The following CDH18 variants were observed in gnomAD, a reference collection of about 807,000 sequenced individuals.
The protein encoded by CDH18 is cadherin-18.
Under a neutral mutation model 67.9 loss-of-function variants are expected in CDH18, and 31 were observed. That is an observed-to-expected ratio of 0.46 (90% CI 0.34 to 0.62). The LOEUF (loss-of-function observed/expected upper bound fraction) is 0.62, where lower values mean the gene tolerates loss of function less well. CDH18 is among the 20% of genes least tolerant of loss of function. CDH18 has a pLI of 0.01. For synonymous variants in CDH18, 362 were observed against 347.2 expected (o/e 1.04, Z -0.48); for missense variants, 890 against 975.5 (o/e 0.91, Z 1.17).
At chr5:20,527,265 A>C (rs1008102788) in intron 1 of CDH18, among the ~76,000 whole-genome samples, 6 of 152,076 alleles carry the variant, frequency 3.9e-5, no homozygotes, top group African/African-American at 1.5e-4. Flanking sequence ...GACTATGTAA[A>C]AAGACTGAAT....
chr5:20,403,666 T>A (rs1745978995), intron 1 of CDH18, among the ~76,000 whole-genome samples: 1 of 152,194 alleles, frequency 6.6e-6, no homozygotes. Context: ...GTAAAAAATG[T>A]TTCTGTCATC....
chr5:19,903,040 A>G (rs1258555525), intron 2 of CDH18, among the ~76,000 whole-genome samples: 2 of 151,910 alleles, frequency 1.3e-5, no homozygotes, highest in African/African-American at 2.4e-5. Context: ...TTTAATTTAA[A>G]TAATTATTCT....
At chr5:19,519,871 C>T (rs1437743628) in intron 10 of CDH18, among the ~76,000 whole-genome samples, 1 of 152,092 alleles carries the variant, frequency 6.6e-6, no homozygotes, top group Non-Finnish European at 1.5e-5. Context: ...TGGAAGAGAT[C>T]CCTGAGCCTC....
intron 1 of CDH18, among the ~76,000 whole-genome samples, chr5:20,288,946 AT>A (rs1431853321): frequency 2.0e-5 from 3 of 151,992 alleles, no homozygotes; most frequent in African/African-American, 7.2e-5. Flanking sequence ...TATTTTTGGA[AT>A]TTTAATTAGA....
chr5:20,042,248 C>A lies in CDH18; in HGVS notation c.-517-50234G>T, dbSNP rs374176228. 6.1e-4 allele frequency among the ~76,000 whole-genome samples: 93 copies of A among 152,316 alleles called. No individual in the cohort carries two copies. The South Asian group carries it at 0.017, about 27-fold the overall frequency. ...ATTAAGCATATTTACATATTTACTACACAAATCCTTCATATTTTGTTGAGT... is the reference window on the plus strand; with the variant it reads ...ATTAAGCATATTTACATATTTACTAAACAAATCCTTCATATTTTGTTGAGT... On this transcript the variant is annotated intron_variant, in intron 2 of 14. Transcript: ENST00000507958.
rs368395232 is a variant in CDH18, at chr5:19,844,006, T to C, written c.-256-4764A>G. ...ATTTATCCAATGACTCTATCCCCAT[T>C]GTATCTATGAAAGAACTAACTTGCT... On this transcript the variant is annotated intron_variant, in intron 2 of 12. Coordinates refer to ENST00000382275, the MANE Select transcript of CDH18 (RefSeq NM_004934.5). 4.5e-4 allele frequency among the ~76,000 whole-genome samples: 68 copies of C among 152,298 alleles called. 1 individual carries two copies. The South Asian group carries it at 0.013, about 30-fold the overall frequency.
At chr5:19,512,917 C>T (rs1483766242) in intron 10 of CDH18, among the ~76,000 whole-genome samples, 2 of 151,910 alleles carry the variant, frequency 1.3e-5, no homozygotes, top group African/African-American at 2.4e-5. Context: ...AAAATGTGTA[C>T]AAAAATGATC....
At chr5:19,716,162 T>C (rs1189730012) in intron 5 of CDH18, among the ~76,000 whole-genome samples, 1 of 152,090 alleles carries the variant, frequency 6.6e-6, no homozygotes, top group Non-Finnish European at 1.5e-5. Context: ...TTGAGTCCTA[T>C]ATTTTTCCAA....
intron 5 of CDH18, among the ~76,000 whole-genome samples, chr5:19,628,102 T>C (rs567933051): frequency 6.6e-6 from 1 of 152,126 alleles, no homozygotes; most frequent in Non-Finnish European, 1.5e-5. Flanking sequence ...ACTTGAATCA[T>C]GGTGGTGGTT....
chr5:20,266,311 C>G (rs1009277306), intron 1 of CDH18, among the ~76,000 whole-genome samples: 3 of 152,102 alleles, frequency 2.0e-5, no homozygotes, highest in Non-Finnish European at 2.9e-5. Flanking sequence ...GCTTTGCAGT[C>G]TAAACATTTC....
intron 5 of CDH18, among the ~76,000 whole-genome samples, chr5:19,639,942 C>G (rs1753777301): frequency 6.6e-6 from 1 of 152,134 alleles, no homozygotes; most frequent in Admixed American, 6.5e-5. Flanking sequence ...AGAAATCTTG[C>G]AAGCCAGGAG....
intron 5 of CDH18, among the ~76,000 whole-genome samples, chr5:19,669,399 T>C (rs1227122693): frequency 6.6e-6 from 1 of 151,632 alleles, no homozygotes; most frequent in African/African-American, 2.4e-5. Flanking sequence ...TTCAAGTGAT[T>C]CTCCTGCCTC....
At chr5:19,506,040 G>T in intron 10 of CDH18, among the ~76,000 whole-genome samples, 1 of 152,072 alleles carries the variant, frequency 6.6e-6, no homozygotes, top group East Asian at 1.9e-4. Flanking sequence ...TCCTGGTTTA[G>T]TCTTGGGAGG....
intron 2 of CDH18, among the ~76,000 whole-genome samples, chr5:19,967,880 A>G: frequency 6.6e-6 from 1 of 152,138 alleles, no homozygotes; most frequent in Non-Finnish European, 1.5e-5. Context: ...GTTTTCAATT[A>G]GGAAAAGAGG....
At chr5:19,850,096 T>C (rs889665352) in intron 2 of CDH18, among the ~76,000 whole-genome samples, 6 of 151,964 alleles carry the variant, frequency 3.9e-5, no homozygotes, top group Non-Finnish European at 8.8e-5. Flanking sequence ...GAGTGCTGAA[T>C]GAATATGACA....
intron 1 of CDH18, among the ~76,000 whole-genome samples, chr5:20,283,788 A>T (rs532585805): frequency 6.6e-6 from 1 of 152,234 alleles, no homozygotes; most frequent in African/African-American, 2.4e-5. Context: ...TATGGCAAAG[A>T]TATATCAGCA....
Position 20,056,164 on chromosome 5 carries a change from C to G in CDH18, c.-517-64150G>C, listed in dbSNP as rs1741892551. On this transcript the variant is annotated intron_variant, in intron 2 of 14. Transcript: ENST00000507958. ...GAACTACAGGCGCCCACCACTATGC[C>G]TTGCTAATTTTTGTATTTTTAGTAG... Among the ~76,000 whole-genome samples, 3 of 151,130 alleles carry G rather than the reference C, an allele frequency of 2.0e-5. No homozygotes were observed. The South Asian group carries it at 6.3e-4, about 31-fold the overall frequency.
intron 2 of CDH18, among the ~76,000 whole-genome samples, chr5:20,076,906 GT>G (rs894082008): frequency 2.0e-5 from 3 of 152,138 alleles, no homozygotes; most frequent in African/African-American, 7.2e-5. Context: ...TGGATTGCCA[GT>G]TTTTCAACAT....
intron 3 of CDH18, among the ~76,000 whole-genome samples, chr5:19,770,358 T>A (rs901073574): frequency 1.3e-5 from 2 of 151,956 alleles, no homozygotes; most frequent in Non-Finnish European, 2.9e-5. Context: ...TGATTTCAGG[T>A]CTCACAAGAA....
Sources: gnomAD v4.1 joint callset for allele counts (sites outside exome capture counted in the v4.1 genomes callset) on GRCh38, gnomAD v4.1.1 for gene constraint, MANE v1.5 for transcripts, NCBI Gene and HGNC (gene_info 2026-07-23, HGNC 2026-07-21) for gene names.